The following GRM8 variants were observed in gnomAD, a reference collection of about 807,000 sequenced individuals.
The protein encoded by GRM8 is metabotropic glutamate receptor 8.
GRM8 carries 47 observed loss-of-function variants against 87.2 expected under a neutral mutation model. The ratio of observed to expected loss-of-function variants is 0.54; its 90% CI spans 0.43 to 0.69. The LOEUF (loss-of-function observed/expected upper bound fraction) is 0.69, where lower values mean the gene tolerates loss of function less well. Ranked by LOEUF, GRM8 falls within the 30% of genes least tolerant of loss-of-function variation. The probability of loss-of-function intolerance (pLI) is 0.00; values close to 1 mark genes in which losing one functional copy is unlikely to be tolerated. For missense variants in GRM8, 1,019 were observed against 1,139.2 expected (o/e 0.89, Z 1.52); for synonymous variants, 396 against 404.5 (o/e 0.98, Z 0.25).
chr7:127,235,569 CTTGT>C (rs1225689686), intron 2 of GRM8, among the ~76,000 whole-genome samples: 1 of 152,146 alleles, frequency 6.6e-6, no homozygotes, highest in African/African-American at 2.4e-5. Flanking sequence ...AGGGAAGTAA[CTTGT>C]TTATCAGAGA....
intron 3 of GRM8, among the ~76,000 whole-genome samples, chr7:127,059,432 G>A (rs933604580): frequency 4.6e-5 from 7 of 151,532 alleles, no homozygotes; most frequent in African/African-American, 1.7e-4. Flanking sequence ...CACCTCCTGG[G>A]TTCAAGCGAT....
chr7:126,904,233 G>A (rs1802454566), intron 4 of GRM8, 107 bp from the exon 5 acceptor site: 3 of 897,062 alleles, frequency 3.3e-6, no homozygotes, highest in East Asian at 5.0e-5. Flanking sequence ...GTAGGTCACT[G>A]TTTAACAATT....
chr7:126,688,697 A>C (rs1808434823), intron 7 of GRM8, among the ~76,000 whole-genome samples: 1 of 150,670 alleles, frequency 6.6e-6, no homozygotes, highest in Non-Finnish European at 1.5e-5. Context: ...TCTTGGTTTA[A>C]ATTCTGCCCC....
chr7:126,906,650 G>A (rs1248217825), intron 3 of GRM8, among the ~76,000 whole-genome samples: 1 of 152,216 alleles, frequency 6.6e-6, no homozygotes, highest in Non-Finnish European at 1.5e-5. Context: ...GTAGCCAAAT[G>A]ACAGATTTCC....
rs541291960 is a variant in GRM8, at chr7:126,636,507, T to C, written c.1358-27009A>G. ...GTAATAATGACAATAAAAAAGTCTG[T>C]ACATGTTCAATACAAATGCAATTTT... On this transcript the variant is annotated intron_variant, in intron 7 of 10. Coordinates refer to ENST00000339582, the MANE Select transcript of GRM8 (RefSeq NM_000845.3). Among the ~76,000 whole-genome samples, 84 of 152,262 alleles carry C rather than the reference T, an allele frequency of 5.5e-4. 1 individual carries two copies. The highest frequency in any genetic ancestry group is 5.5e-3 in the Admixed American group (84 of 15,276).
At position 126,951,186 on chromosome 7, in the gene GRM8, A is replaced by G. The variant is rs190738799; in HGVS notation, c.728-46503T>C. Among the ~76,000 whole-genome samples the G allele has an allele frequency of 6.6e-5, 10 of 152,254 alleles. No individual in the cohort carries two copies. The East Asian group carries it at 1.9e-3, about 29-fold the overall frequency. Reference sequence around the variant, plus strand: ...TCTATATTATGTTACTCCTTGTATAAGAAAAGTGATTATAAGAAAACACAT... The same window carrying G: ...TCTATATTATGTTACTCCTTGTATAGGAAAAGTGATTATAAGAAAACACAT... On this transcript the variant is annotated intron_variant, in intron 3 of 10. Transcript: ENST00000339582.
At chr7:126,547,830 G>T (rs1035435700) in intron 8 of GRM8, among the ~76,000 whole-genome samples, 1 of 151,850 alleles carries the variant, frequency 6.6e-6, no homozygotes, top group Non-Finnish European at 1.5e-5. Flanking sequence ...TTTATATCTT[G>T]CAGAAATGTC....
At chr7:126,880,035 C>G (rs1482869513) in intron 6 of GRM8, among the ~76,000 whole-genome samples, 1 of 152,176 alleles carries the variant, frequency 6.6e-6, no homozygotes, top group Non-Finnish European at 1.5e-5. Context: ...CTGTTTCAAA[C>G]CCAGGCCTGC....
chr7:127,189,680 G>C (rs1032088442), intron 2 of GRM8, among the ~76,000 whole-genome samples: 3 of 152,144 alleles, frequency 2.0e-5, no homozygotes, highest in Admixed American at 2.0e-4. Context: ...ATAACTGTGG[G>C]TGAAAAGAAG....
At chr7:127,091,675 C>A (rs1227067983) in intron 3 of GRM8, among the ~76,000 whole-genome samples, 2 of 130,806 alleles carry the variant, frequency 1.5e-5, no homozygotes, top group Non-Finnish European at 3.3e-5. Context: ...CACTGATCAT[C>A]CTCCCATCCC....
intron 3 of GRM8, among the ~76,000 whole-genome samples, chr7:126,980,321 T>C (rs867865990): frequency 3.3e-5 from 5 of 152,216 alleles, no homozygotes; most frequent in Admixed American, 1.3e-4. Flanking sequence ...CTAATGGAAA[T>C]GATTCTTTCA....
intron 9 of GRM8, among the ~76,000 whole-genome samples, chr7:126,488,802 GCA>G (rs1421242860): frequency 6.6e-6 from 1 of 151,800 alleles, no homozygotes; most frequent in Non-Finnish European, 1.5e-5. Context: ...ATAGTATTCT[GCA>G]CAGTTATGCA....
intron 8 of GRM8, among the ~76,000 whole-genome samples, chr7:126,557,616 C>A: frequency 6.6e-6 from 1 of 152,152 alleles, no homozygotes; most frequent in East Asian, 1.9e-4. Context: ...ATATGAAATT[C>A]TAGCTAATAC....
At chr7:127,111,667 C>A (rs1826360106) in intron 2 of GRM8, among the ~76,000 whole-genome samples, 2 of 152,210 alleles carry the variant, frequency 1.3e-5, no homozygotes, top group Admixed American at 1.3e-4. Flanking sequence ...GACTTTTCTT[C>A]ATGCTTCCAT....
chr7:126,972,311 G>C (rs1810509007), intron 3 of GRM8, among the ~76,000 whole-genome samples: 1 of 152,098 alleles, frequency 6.6e-6, no homozygotes, highest in Non-Finnish European at 1.5e-5. Flanking sequence ...ATCATGCAGA[G>C]CAAAAAAATT....
At chr7:126,668,339 C>T (rs1169148179) in intron 7 of GRM8, among the ~76,000 whole-genome samples, 1 of 152,204 alleles carries the variant, frequency 6.6e-6, no homozygotes, top group Non-Finnish European at 1.5e-5. Flanking sequence ...TGGCCTGCAA[C>T]GTGGGGACTC....
At chr7:127,142,553 T>G (rs959992989) in intron 2 of GRM8, among the ~76,000 whole-genome samples, 6 of 152,180 alleles carry the variant, frequency 3.9e-5, no homozygotes, top group Non-Finnish European at 2.9e-5. Flanking sequence ...TTCAGAAATT[T>G]TTTTCTTTTT....
At chr7:126,705,123 T>C (rs554047151) in intron 7 of GRM8, among the ~76,000 whole-genome samples, 24 of 152,092 alleles carry the variant, frequency 1.6e-4, no homozygotes, top group Admixed American at 3.3e-4. Flanking sequence ...ATCCGGCCGA[T>C]GCTTAGGGAA....
At chr7:126,944,885 A>C (rs932253420) in intron 3 of GRM8, among the ~76,000 whole-genome samples, 1 of 152,266 alleles carries the variant, frequency 6.6e-6, no homozygotes, top group Non-Finnish European at 1.5e-5. Context: ...AAGATGCTCA[A>C]CTTCAATAAT....
Sources: allele counts gnomAD v4.1 joint callset (sites outside exome capture counted in the v4.1 genomes callset), GRCh38; gene constraint gnomAD v4.1.1; transcripts MANE v1.5; gene names NCBI Gene and HGNC (gene_info 2026-07-23, HGNC 2026-07-21).